ANKRD33B: variants seen among roughly 807,000 people sequenced by gnomAD.
ANKRD33B encodes ankyrin repeat domain 33B.
ANKRD33B carries 6 observed loss-of-function variants against 21.5 expected under a neutral mutation model. The observed-to-expected ratio is 0.28, with a 90% CI of 0.15 to 0.55. The LOEUF is 0.55. Ranked by LOEUF, ANKRD33B falls within the 20% of genes least tolerant of loss-of-function variation. The probability of loss-of-function intolerance (pLI) is 0.94; values close to 1 mark genes in which losing one functional copy is unlikely to be tolerated. For synonymous variants in ANKRD33B, 347 were observed against 342.4 expected (o/e 1.01, Z -0.15); for missense variants, 698 against 747.2 (o/e 0.93, Z 0.77).
intron 1 of ANKRD33B, among the ~76,000 whole-genome samples, chr5:10,601,752 C>T (rs867012050): frequency 6.6e-6 from 1 of 152,216 alleles, no homozygotes; most frequent in Non-Finnish European, 1.5e-5. Flanking sequence ...CTGGTTTAGT[C>T]ACACACATTT....
intron 3 of ANKRD33B, among the ~76,000 whole-genome samples, chr5:10,647,019 C>A (rs528849162): frequency 6.6e-6 from 1 of 152,310 alleles, no homozygotes; most frequent in South Asian, 2.1e-4. Flanking sequence ...GGTCCGGTCC[C>A]CTTTGAGCTC....
chr5:10,606,614 G>GT (rs1290803507), intron 1 of ANKRD33B, among the ~76,000 whole-genome samples: 1 of 152,034 alleles, frequency 6.6e-6, no homozygotes, highest in Non-Finnish European at 1.5e-5. Flanking sequence ...AGTGCCTGTA[G>GT]TCCCAGCTAC....
intron 1 of ANKRD33B, among the ~76,000 whole-genome samples, chr5:10,583,911 C>T (rs2126554880): frequency 6.6e-6 from 1 of 152,244 alleles, no homozygotes; most frequent in East Asian, 1.9e-4. Context: ...TGTAATAAGA[C>T]AAGGGAGCTT....
At chr5:10,608,989 G>A (rs887195260) in intron 1 of ANKRD33B, among the ~76,000 whole-genome samples, 8 of 152,176 alleles carry the variant, frequency 5.3e-5, no homozygotes, top group Non-Finnish European at 7.3e-5. Flanking sequence ...AGCCTTGGGC[G>A]CCAGTGCCAT....
rs1338141786 is a variant in ANKRD33B at position 10,564,737 on chromosome 5, G to C, written c.270G>C (p.Leu90=). The part of the protein sequence containing the change: ...PESVPETATL[L]RAACANNVGL... ...GCGTCCCGGAGACGGCGACCCTCCTGCGCGCCGCCTGCGCCAACAACGTGG... is the reference window on the plus strand; with the variant it reads ...GCGTCCCGGAGACGGCGACCCTCCTCCGCGCCGCCTGCGCCAACAACGTGG... The change falls in exon 1 of 4, where the codon CTG becomes CTC. Residue 90 remains leucine, a synonymous_variant. Coordinates refer to ENST00000296657, the MANE Select transcript of ANKRD33B (RefSeq NM_001164440.2). The C allele has an allele frequency of 7.2e-6, 11 of 1,531,156 alleles. No individual in the cohort carries two copies. In the South Asian group the frequency reaches 9.5e-5, roughly 13 times the overall value. The allele number at this position is 1,531,156 out of a possible 1,614,324, so 94.8% of individuals were successfully genotyped here.
At chr5:10,639,296 C>T (rs1361815237) in intron 3 of ANKRD33B, among the ~76,000 whole-genome samples, 1 of 1,564 alleles carries the variant, frequency 6.4e-4, no homozygotes, top group Admixed American at 8.3e-3. Context: ...GCGGGTGACG[C>T]GGAGTTGCGC....
rs780021888 is a variant in ANKRD33B, at chr5:10,575,091, GAAAC to G, written c.366+10281_366+10284del. On this transcript the variant is annotated intron_variant, in intron 1 of 3. Transcript: ENST00000296657. ...TGACACAATGAAACCCTGTTTCCAA[GAAAC>G]AAACAAACAAACAAACAAACAATTC... Among the ~76,000 whole-genome samples the G allele has an allele frequency of 5.1e-4, 26 of 51,094 alleles. 9 individuals are homozygous for G. Among genetic ancestry groups the G allele is most frequent in the East Asian group, 2.6e-3 (2 of 772 alleles). 33.5% of individuals were successfully genotyped at this position (51,094 alleles called of 152,430 possible). A position where few individuals can be genotyped will look rare whatever the true frequency, so the allele number is the denominator to read the frequency against.
intron 3 of ANKRD33B, among the ~76,000 whole-genome samples, chr5:10,643,971 T>C (rs11948093): frequency 0.29 from 43,210 of 151,300 alleles, 6,421 homozygotes; most frequent in Middle Eastern, 0.49. Flanking sequence ...GAAAAGTGGG[T>C]TTTATTTTCC....
At chr5:10,599,378 A>T (rs971120935) in intron 1 of ANKRD33B, among the ~76,000 whole-genome samples, 2 of 152,190 alleles carry the variant, frequency 1.3e-5, no homozygotes, top group Admixed American at 6.5e-5. Flanking sequence ...TGTTCATTTT[A>T]ACCATTGTAA....
chr5:10,612,917 T>C (rs1579734283), intron 1 of ANKRD33B, among the ~76,000 whole-genome samples: 1 of 152,244 alleles, frequency 6.6e-6, no homozygotes, highest in East Asian at 1.9e-4. Context: ...TAAAGCCACA[T>C]AGACATCTCC....
intron 1 of ANKRD33B, among the ~76,000 whole-genome samples, chr5:10,577,192 C>T (rs1735342653): frequency 6.6e-6 from 1 of 151,860 alleles, no homozygotes; most frequent in Non-Finnish European, 1.5e-5. Flanking sequence ...TGCAATGGCA[C>T]AATCTCAGCT....
chr5:10,585,965 C>T (rs1193486954), intron 1 of ANKRD33B, among the ~76,000 whole-genome samples: 1 of 152,162 alleles, frequency 6.6e-6, no homozygotes, highest in Non-Finnish European at 1.5e-5. Flanking sequence ...AGACTGGAGG[C>T]CAAGACAAGT....
At chr5:10,631,675 C>T (rs1208436826) in intron 2 of ANKRD33B, among the ~76,000 whole-genome samples, 5 of 152,182 alleles carry the variant, frequency 3.3e-5, no homozygotes, top group Admixed American at 2.0e-4. Flanking sequence ...CATTGAATAT[C>T]GATGAGAGGA....
At chr5:10,572,100 G>T (rs1735208980) in intron 1 of ANKRD33B, among the ~76,000 whole-genome samples, 1 of 152,110 alleles carries the variant, frequency 6.6e-6, no homozygotes, top group Non-Finnish European at 1.5e-5. Flanking sequence ...TGTTGGCCAG[G>T]CTGGTCTCGA....
In ANKRD33B at chr5:10,564,361, G is replaced by A. The variant is rs1734998149; in HGVS notation, c.-107G>A. ...CGCCGAGCTGGAGCGCGCGGGCCAC[G>A]GCTTCTCTGGGGACGCAGAAGCGAG... On this transcript the variant is annotated 5_prime_UTR_variant, in exon 1 of 4. Coordinates refer to ENST00000296657, the MANE Select transcript of ANKRD33B (RefSeq NM_001164440.2). 1 of 809,018 alleles carries A rather than the reference G, an allele frequency of 1.2e-6. No homozygotes were observed. The highest frequency in any genetic ancestry group is 1.5e-6 in the Non-Finnish European group (1 of 664,168). The allele number at this position is 809,018 out of a possible 1,614,324, so 50.1% of individuals were successfully genotyped here.
At position 10,649,639 on chromosome 5, in the gene ANKRD33B, G is replaced by C; in HGVS notation, c.1011G>C (p.Lys337Asn). The change falls in exon 4 of 4, where the codon AAG (lysine) becomes AAC (asparagine). Residue 337 changes from lysine to asparagine, a missense_variant. Around this residue, in one of 3 missense-constraint regions of ANKRD33B, gnomAD observed 543 missense variants for 566.5 expected, o/e 0.96. Transcript: ENST00000296657. ...VCPESPPSVG[K>N]RRLAVQEILA... ...CTGAGAGCCCTCCGAGCGTGGGGAA[G>C]AGGCGGCTGGCGGTGCAGGAGATCC... is the stretch of plus-strand genomic sequence containing the variant. 1 of 1,531,214 alleles carries C rather than the reference G, an allele frequency of 6.5e-7. No individual in the cohort carries two copies. The highest frequency in any genetic ancestry group is 8.7e-7 in the Non-Finnish European group (1 of 1,144,892). The allele number at this position is 1,531,214 out of a possible 1,614,324, so 94.9% of individuals were successfully genotyped here.
rs1424506492 is a variant in ANKRD33B at position 10,655,671 on chromosome 5, G to A, written c.*5558G>A. ...CCTGGACACTACTAGTCTTTCACAT[G>A]ATAAAGCGCGAGCACTTTTTCGCTT... On this transcript the variant is annotated 3_prime_UTR_variant, in exon 4 of 4. Coordinates refer to ENST00000296657, the MANE Select transcript of ANKRD33B (RefSeq NM_001164440.2). The A allele has an allele frequency of 6.6e-6, 1 of 152,344 alleles. No homozygotes were observed. The highest frequency in any genetic ancestry group is 2.4e-5 in the African/African-American group (1 of 41,444). The allele number at this position is 152,344 out of a possible 1,614,324, so 9.4% of individuals were successfully genotyped here.
intron 1 of ANKRD33B, among the ~76,000 whole-genome samples, chr5:10,615,221 G>A (rs1736257540): frequency 6.6e-6 from 1 of 152,198 alleles, no homozygotes; most frequent in South Asian, 2.1e-4. Flanking sequence ...GTTGGCAAAG[G>A]CAGATGCCAT....
At chr5:10,613,898 CAAA>C (rs34433484) in intron 1 of ANKRD33B, among the ~76,000 whole-genome samples, 12,503 of 108,990 alleles carry the variant, frequency 0.11, 1,808 homozygotes, top group African/African-American at 0.36. Flanking sequence ...GACTCCATCT[CAAA>C]AAAAAAAAAA....
Sources: gnomAD v4.1 joint callset for allele counts (sites outside exome capture counted in the v4.1 genomes callset) on GRCh38, gnomAD v4.1.1 for gene constraint, gnomAD v4.1.1 regional missense constraint, MANE v1.5 for transcripts, NCBI Gene and HGNC (gene_info 2026-07-23, HGNC 2026-07-21) for gene names.